Variants in CLSTN3 observed in about 807,000 individuals in gnomAD.
CLSTN3 encodes calsyntenin 3.
In CLSTN3, 36 loss-of-function variants were observed where a neutral mutation model predicts 95.9. That is an observed-to-expected ratio of 0.38 (90% CI 0.29 to 0.50). The LOEUF (loss-of-function observed/expected upper bound fraction) is 0.50, where lower values mean the gene tolerates loss of function less well. Ranked by LOEUF, CLSTN3 falls within the 20% of genes least tolerant of loss-of-function variation. CLSTN3 has a pLI of 0.95. For missense variants in CLSTN3, 1,084 were observed against 1,268.8 expected (o/e 0.85, Z 2.21); for synonymous variants, 481 against 504.0 (o/e 0.95, Z 0.61).
intron 16 of CLSTN3, chr12:7,156,726 C>T (rs753859441): frequency 5.7e-5 from 26 of 456,792 alleles, no homozygotes; most frequent in East Asian, 1.4e-4. Context: ...GTGAACGCAC[C>T]GTTCTGTGTC....
At chr12:7,135,221 C>A in intron 3 of CLSTN3, 106 bp from the exon 4 acceptor site, 3 of 1,026,594 alleles carry the variant, frequency 2.9e-6, no homozygotes, top group Non-Finnish European at 3.0e-6. Flanking sequence ...CTTGATGTAC[C>A]GTATCGAGGC....
At chr12:7,136,162 T>C (rs1043823556) in intron 5 of CLSTN3, 44 bp from the exon 6 acceptor site, 3 of 1,588,892 alleles carry the variant, frequency 1.9e-6, no homozygotes, top group Non-Finnish European at 2.6e-6. Context: ...GAGGCTGCTT[T>C]ACCCTTCTCT....
At chr12:7,148,180 GA>G (rs1270897962) in intron 12 of CLSTN3, among the ~76,000 whole-genome samples, 1 of 118,268 alleles carries the variant, frequency 8.5e-6, no homozygotes, top group Non-Finnish European at 1.8e-5. Flanking sequence ...AAGAAAGAAA[GA>G]AAGAAAGAAA....
chr12:7,155,514 G>T (rs1939799993), intron 16 of CLSTN3, among the ~76,000 whole-genome samples: 1 of 152,226 alleles, frequency 6.6e-6, no homozygotes, highest in African/African-American at 2.4e-5. Context: ...TGAGGGTGGG[G>T]TCACCACCCC....
intron 6 of CLSTN3, 141 bp downstream of exon 6, chr12:7,136,532 C>A: frequency 4.4e-6 from 4 of 919,354 alleles, no homozygotes; most frequent in Non-Finnish European, 6.4e-6. Flanking sequence ...TTAGCATTTG[C>A]GGCCCAAAAG....
chr12:7,142,736 GGTTTCCACATTTCTCCT>G, intron 10 of CLSTN3, 116 bp from the exon 11 acceptor site: 1 of 109,736 alleles, frequency 9.1e-6, no homozygotes, highest in Non-Finnish European at 1.6e-5. Flanking sequence ...TTTTTTTTTT[GGTTTCCACATTTCTCCT>G]TTTTTTCTTT....
chr12:7,148,137 C>G (rs940789471), intron 12 of CLSTN3, among the ~76,000 whole-genome samples: 2 of 141,088 alleles, frequency 1.4e-5, no homozygotes, highest in Admixed American at 7.4e-5. Context: ...GCCTGGGCAA[C>G]AAGAGTGAAA....
Position 7,133,857 on chromosome 12 carries a change from A to G in CLSTN3, c.383+89A>G, listed in dbSNP as rs1939354516. 2 of 1,072,724 alleles carry G rather than the reference A, an allele frequency of 1.9e-6. No individual in the cohort carries two copies. The highest frequency in any genetic ancestry group is 2.7e-5 in the Admixed American group (1 of 37,060). The allele number at this position is 1,072,724 out of a possible 1,614,324, so 66.5% of individuals were successfully genotyped here. On this transcript the variant is annotated intron_variant, in intron 3 of 17. Coordinates refer to ENST00000266546, the MANE Select transcript of CLSTN3 (RefSeq NM_014718.4). The surrounding 1 kb of genome is among the most constrained non-coding windows in gnomAD (Gnocchi z 4.7). The stretch of plus-strand genomic sequence containing the variant: ...CCATCCTCTGTCCGTGCGGTCATCG[A>G]ATATCCACCCCCACCCGCTGCTGTT...
rs1053043868 is a variant in CLSTN3, at chr12:7,150,223, G to A, written c.2246-321G>A. Among the ~76,000 whole-genome samples the A allele has an allele frequency of 1.3e-5, 2 of 152,158 alleles. No individual in the cohort carries two copies. Among genetic ancestry groups the A allele is most frequent in the Non-Finnish European group, 2.9e-5 (2 of 68,024 alleles). On this transcript the variant is annotated intron_variant, in intron 14 of 17. Coordinates refer to ENST00000266546, the MANE Select transcript of CLSTN3 (RefSeq NM_014718.4). The surrounding 1 kb of genome is among the most constrained non-coding windows in gnomAD (Gnocchi z 4.0). ...TTTCCAGGGCTCACTGAGGACTTCT[G>A]TATTTTCCTCTTTCTCATATTCCCT... is the stretch of plus-strand genomic sequence containing the variant.
In CLSTN3 at chr12:7,157,831, G is replaced by T; in HGVS notation, c.2731-110G>T. 1 of 1,506,480 alleles carries T rather than the reference G, an allele frequency of 6.6e-7. No homozygotes were observed. Among genetic ancestry groups the T allele is most frequent in the Admixed American group, 2.0e-5 (1 of 50,146 alleles). The allele number at this position is 1,506,480 out of a possible 1,614,324, so 93.3% of individuals were successfully genotyped here. A position where few individuals can be genotyped will look rare whatever the true frequency, so the allele number is the denominator to read the frequency against. ...CCGGAGGGAGAGAGGTTCAGGCAGG[G>T]AAGGGGGTACACAGGGGTTAAGGGG... is the stretch of plus-strand genomic sequence containing the variant. On this transcript the variant is annotated intron_variant, in intron 17 of 17. Transcript: ENST00000266546. This position sits in a 1 kb window ranked among gnomAD's most constrained non-coding sequence, Gnocchi z 5.9.
Position 7,139,656 on chromosome 12 carries a change from A to ATT in CLSTN3, c.1324-1576_1324-1575dup, listed in dbSNP as rs34540926. The stretch of plus-strand genomic sequence containing the variant: ...CATCATTATTATTATTATTATTATT[A>ATT]TTTTTTTTTTTGAGATGGAGTCTCA... On this transcript the variant is annotated intron_variant, in intron 8 of 17. Transcript: ENST00000266546. 8.2e-3 allele frequency among the ~76,000 whole-genome samples: 1,172 copies of ATT among 143,248 alleles called. 20 individuals are homozygous for ATT. Among genetic ancestry groups the ATT allele is most frequent in the African/African-American group, 0.029 (1,118 of 38,070 alleles). 94.0% of individuals were successfully genotyped at this position (143,248 alleles called of 152,430 possible). A position where few individuals can be genotyped will look rare whatever the true frequency, so the allele number is the denominator to read the frequency against.
chr12:7,130,662 T>A lies in CLSTN3; in HGVS notation c.14T>A (p.Leu5Gln). Residue 5 changes from leucine to glutamine, a missense_variant, in exon 1 of 18, where the codon CTG becomes CAG. Coordinates refer to ENST00000266546, the MANE Select transcript of CLSTN3 (RefSeq NM_014718.4). ...CCACGCCGCACCATGACCCTCCTGC[T>A]GCTGCCCCTTCTGCTGGCCTCTCTG... MTLL[L>Q]LPLLLASLLA... The A allele has an allele frequency of 6.4e-7, 1 of 1,571,958 alleles. No homozygotes were observed. Among genetic ancestry groups the A allele is most frequent in the African/African-American group, 1.3e-5 (1 of 74,142 alleles).
rs766446322 is a variant in CLSTN3, at chr12:7,133,184, A to G, written c.187+38A>G. ...GGGGGATGGCAAGGCAGGGTAGGACAGAGAAAAGTGGGTGGGAGGGCCAAG... is the reference window on the plus strand; with the variant it reads ...GGGGGATGGCAAGGCAGGGTAGGACGGAGAAAAGTGGGTGGGAGGGCCAAG... On this transcript the variant is annotated intron_variant, in intron 2 of 17. Transcript: ENST00000266546. This position sits in a 1 kb window ranked among gnomAD's most constrained non-coding sequence, Gnocchi z 4.7. 2 of 1,475,038 alleles carry G rather than the reference A, an allele frequency of 1.4e-6. No individual in the cohort carries two copies. Among genetic ancestry groups the G allele is most frequent in the East Asian group, 5.6e-5 (2 of 35,764 alleles). The allele number at this position is 1,475,038 out of a possible 1,614,324, so 91.4% of individuals were successfully genotyped here. A position where few individuals can be genotyped will look rare whatever the true frequency, so the allele number is the denominator to read the frequency against.
At chr12:7,135,302 C>G in intron 3 of CLSTN3, 25 bp from the exon 4 acceptor site, 1 of 1,607,718 alleles carries the variant, frequency 6.2e-7, no homozygotes, top group Non-Finnish European at 8.5e-7. Flanking sequence ...GTGTCTTCAT[C>G]CCTCCTTCTC....
At position 7,142,945 on chromosome 12, in the gene CLSTN3, C is replaced by T. The variant is rs755326821; in HGVS notation, c.1617C>T (p.Ser539=). Residue 539 remains serine, a synonymous_variant, in exon 11 of 18, where the codon AGC becomes AGT. Transcript: ENST00000266546. ...GCGTGCGCTCAGGTCGCCTGGAGAG[C>T]CGCGAGGTCATCGAGTGCCTCTATG... The part of the protein sequence containing the change: ...GFSVRSGRLE[S]REVIECLYAC... 5.0e-6 allele frequency: 8 copies of T among 1,614,208 alleles called. No homozygotes were observed. In the South Asian group the frequency reaches 7.7e-5, roughly 16 times the overall value.
At chr12:7,134,434 A>C (rs781742321) in intron 3 of CLSTN3, among the ~76,000 whole-genome samples, 1 of 152,268 alleles carries the variant, frequency 6.6e-6, no homozygotes, top group Non-Finnish European at 1.5e-5. Flanking sequence ...ACTAAGAGGC[A>C]CTAGAGATAA....
In CLSTN3 at chr12:7,130,474, G is replaced by A. The variant is rs1430961950; in HGVS notation, c.-175G>A. On this transcript the variant is annotated 5_prime_UTR_variant, in exon 1 of 18. Transcript: ENST00000266546. Reference sequence around the variant, plus strand: ...CCACCGCCTCAGCTACCCAGATTGGGATCTGCCCAGGCCCGCTTTATGGAC... The same window carrying A: ...CCACCGCCTCAGCTACCCAGATTGGAATCTGCCCAGGCCCGCTTTATGGAC... 5 of 1,499,032 alleles carry A rather than the reference G, an allele frequency of 3.3e-6. 1 individual carries two copies. The South Asian group carries it at 5.0e-5, about 15-fold the overall frequency. The allele number at this position is 1,499,032 out of a possible 1,614,324, so 92.9% of individuals were successfully genotyped here.
At position 7,158,259 on chromosome 12, in the gene CLSTN3, C is replaced by T. The variant is rs775619361; in HGVS notation, c.*178C>T. The T allele has an allele frequency of 8.9e-4, 599 of 671,870 alleles. 4 individuals are homozygous for T. The highest frequency in any genetic ancestry group is 8.9e-3 in the African/African-American group (486 of 54,854). The allele number at this position is 671,870 out of a possible 1,614,324, so 41.6% of individuals were successfully genotyped here. On this transcript the variant is annotated 3_prime_UTR_variant, in exon 18 of 18. Transcript: ENST00000266546. Reference sequence around the variant, plus strand: ...TCTGGAGTCCGCCCTGCCCCTCCCCCGGCCCCCCATCCCTCACTTCTGGGC... The same window carrying T: ...TCTGGAGTCCGCCCTGCCCCTCCCCTGGCCCCCCATCCCTCACTTCTGGGC...
In CLSTN3 at chr12:7,150,495, A is replaced by G; in HGVS notation, c.2246-49A>G. On this transcript the variant is annotated intron_variant, in intron 14 of 17. Transcript: ENST00000266546. The surrounding 1 kb of genome is among the most constrained non-coding windows in gnomAD (Gnocchi z 4.0). ...GAGTCCAGGAGAGAGGGTCCTGCCCAGGTCCTGCCTCCACTGGCCCCTGCC... is the reference window on the plus strand; with the variant it reads ...GAGTCCAGGAGAGAGGGTCCTGCCCGGGTCCTGCCTCCACTGGCCCCTGCC... 1.3e-6 allele frequency: 2 copies of G among 1,582,624 alleles called. No individual in the cohort carries two copies. Among genetic ancestry groups the G allele is most frequent in the Non-Finnish European group, 1.7e-6 (2 of 1,158,572 alleles).
Sources: gnomAD v4.1 joint callset for allele counts (sites outside exome capture counted in the v4.1 genomes callset) on GRCh38, gnomAD v4.1.1 for gene constraint, Gnocchi (gnomAD v3.1) non-coding constraint, MANE v1.5 for transcripts, NCBI Gene and HGNC (gene_info 2026-07-23, HGNC 2026-07-21) for gene names.